Variants in HNRNPH1 observed in about 807,000 individuals in gnomAD.
HNRNPH1 encodes heterogeneous nuclear ribonucleoprotein H1, also known as heterogeneous nuclear ribonucleoprotein H.
HNRNPH1 carries 4 observed loss-of-function variants against 58.6 expected under a neutral mutation model. The ratio of observed to expected loss-of-function variants is 0.07; its 90% CI spans 0.03 to 0.16. The LOEUF is 0.16. HNRNPH1 is among the 10% of genes least tolerant of loss of function. HNRNPH1 has a pLI of 1.00. For synonymous variants in HNRNPH1, 192 were observed against 189.2 expected, an observed-to-expected ratio of 1.01 and a Z score of -0.12; for missense variants, 271 against 564.2, an observed-to-expected ratio of 0.48 and a Z score of 5.26.
chr5:179,632,264 C>G (rs1315029958), intron 2 of HNRNPH1, among the ~76,000 whole-genome samples: 1 of 150,756 alleles, frequency 6.6e-6, no homozygotes, highest in Non-Finnish European at 1.5e-5. Flanking sequence ...GCCAAGATCC[C>G]GCCACCGCAC....
intron 2 of HNRNPH1, among the ~76,000 whole-genome samples, chr5:179,633,464 T>A (rs1196163594): frequency 1.5e-4 from 2 of 13,498 alleles, no homozygotes; most frequent in African/African-American, 2.2e-4. Flanking sequence ...CCGGCTAATT[T>A]TTTTTTTTTT....
At chr5:179,620,369 A>C (rs915698938) in intron 3 of HNRNPH1, among the ~76,000 whole-genome samples, 2 of 152,240 alleles carry the variant, frequency 1.3e-5, no homozygotes, top group African/African-American at 4.8e-5. Flanking sequence ...ACAAGCATTC[A>C]AACTACTCTC....
upstream of HNRNPH1, among the ~76,000 whole-genome samples, chr5:179,625,955 A>AT (rs1010509687): frequency 3.3e-5 from 5 of 149,764 alleles, no homozygotes; most frequent in African/African-American, 1.2e-4. Flanking sequence ...TTATTTATTT[A>AT]TTTATTTATT....
exon 1 of HNRNPH1, chr5:179,623,412 G>T: frequency 3.9e-6 from 1 of 254,628 alleles, no homozygotes; most frequent in South Asian, 4.5e-5. Flanking sequence ...GGCGGCGGCC[G>T]CTTCCGCTCC....
At chr5:179,626,832 A>G (rs986417503), upstream of HNRNPH1, among the ~76,000 whole-genome samples, 6 of 149,722 alleles carry the variant, frequency 4.0e-5, no homozygotes, top group South Asian at 2.1e-4. Flanking sequence ...CTGGAGTACA[A>G]TGGCGCGATC....
exon 1 of HNRNPH1, chr5:179,623,748 C>G (rs1250643581): frequency 1.3e-5 from 2 of 152,602 alleles, no homozygotes; most frequent in African/African-American, 4.8e-5. Context: ...GCCCGCACCG[C>G]CCCGTTGCGT....
intron 2 of HNRNPH1, 75 bp from the exon 4 acceptor site, chr5:179,621,110 A>G: frequency 6.5e-7 from 1 of 1,544,120 alleles, no homozygotes; most frequent in Non-Finnish European, 8.9e-7. Context: ...GTCTTTAGAT[A>G]AGCTAGGAAG....
exon 5 of HNRNPH1, chr5:179,618,152 A>G (rs774112006): frequency 1.7e-5 from 28 of 1,613,708 alleles, no homozygotes; most frequent in Middle Eastern, 1.6e-4. Context: ...TACCTCCACC[A>G]TAAGCACCAC....
chr5:179,623,204 A>G lies in HNRNPH1; in HGVS notation c.-71T>C, dbSNP rs977740181. The G allele has an allele frequency of 6.8e-6, 8 of 1,182,698 alleles. No individual in the cohort carries two copies. In the African/African-American group the frequency reaches 9.3e-5, roughly 14 times the overall value. The allele number at this position is 1,182,698 out of a possible 1,614,324, so 73.3% of individuals were successfully genotyped here. A position where few individuals can be genotyped will look rare whatever the true frequency, so the allele number is the denominator to read the frequency against. On this transcript the variant is annotated 5_prime_UTR_variant, in exon 1 of 13. Coordinates refer to ENST00000356731, the Ensembl canonical transcript of HNRNPH1. ...GGACCAGAACTGAGAGCGCCAATTA[A>G]GCTGTCCTTCGCCTCCGAGGCGCGC... is the stretch of plus-strand genomic sequence containing the variant.
rs1300528487 is a variant in HNRNPH1, at chr5:179,623,174, G to C, written c.-41C>G. On this transcript the variant is annotated 5_prime_UTR_variant, in exon 1 of 13. Coordinates refer to ENST00000356731, the Ensembl canonical transcript of HNRNPH1. ...CCGGCGTCGAAACAAACTGCAAAGCGGGGAGGACCAGAACTGAGAGCGCCA... is the reference window on the plus strand; with the variant it reads ...CCGGCGTCGAAACAAACTGCAAAGCCGGGAGGACCAGAACTGAGAGCGCCA... The C allele has an allele frequency of 6.8e-7, 1 of 1,463,982 alleles. No individual in the cohort carries two copies. The highest frequency in any genetic ancestry group is 9.5e-7 in the Non-Finnish European group (1 of 1,050,192). The allele number at this position is 1,463,982 out of a possible 1,614,324, so 90.7% of individuals were successfully genotyped here. A position where few individuals can be genotyped will look rare whatever the true frequency, so the allele number is the denominator to read the frequency against.
intron 3 of HNRNPH1, chr5:179,620,554 CTGA>C (rs34223524): frequency 0.34 from 74,695 of 218,956 alleles, 14,016 homozygotes; most frequent in East Asian, 0.69. Context: ...ATTCATCGCA[CTGA>C]TGATCTGCTG....
intron 11 of HNRNPH1, 91 bp downstream of exon 12, chr5:179,616,035 A>G: frequency 9.7e-6 from 11 of 1,130,414 alleles, no homozygotes; most frequent in Middle Eastern, 2.0e-4. Context: ...CTCTAAGTAC[A>G]GTAACAGGCT....
intron 4 of HNRNPH1, chr5:179,618,585 G>A (rs913205595): frequency 9.9e-6 from 3 of 302,476 alleles, no homozygotes; most frequent in Non-Finnish European, 1.8e-5. Flanking sequence ...GAGGAGTACT[G>A]TAAATAAATG....
At chr5:179,620,125 T>TA (rs1195644374) in intron 3 of HNRNPH1, 9 of 152,354 alleles carry the variant, frequency 5.9e-5, no homozygotes, top group African/African-American at 2.2e-4. Flanking sequence ...GACTTGATTT[T>TA]AAAAATTCTG....
chr5:179,620,096 TTA>T, intron 3 of HNRNPH1: 1 of 152,306 alleles, frequency 6.6e-6, no homozygotes, highest in African/African-American at 2.4e-5. Flanking sequence ...TCTCACCAAT[TTA>T]GTGTCAAAAC....
chr5:179,627,145 G>A (rs1042294963), upstream of HNRNPH1, among the ~76,000 whole-genome samples: 4 of 152,140 alleles, frequency 2.6e-5, no homozygotes, highest in African/African-American at 9.7e-5. Context: ...CCTTAGGATA[G>A]TTGCCCCAGA....
chr5:179,617,944 A>C lies in HNRNPH1; in HGVS notation c.788-12T>G, dbSNP rs1770584064. 1 of 1,613,934 alleles carries C rather than the reference A, an allele frequency of 6.2e-7. No individual in the cohort carries two copies. The highest frequency in any genetic ancestry group is 1.3e-5 in the African/African-American group (1 of 74,940). ...ACAGTAATTGAGGTCTAGATGGACAAGAGTGTAAGCATCCTTCAACTGAGA... is the reference window on the plus strand; with the variant it reads ...ACAGTAATTGAGGTCTAGATGGACACGAGTGTAAGCATCCTTCAACTGAGA... On this transcript the variant is annotated splice_polypyrimidine_tract_variant and intron_variant, in intron 6 of 12. Coordinates refer to ENST00000356731, the Ensembl canonical transcript of HNRNPH1.
At position 179,616,852 on chromosome 5, in the gene HNRNPH1, AAACT is replaced by A. The variant is rs759973912; in HGVS notation, c.1207+13_1207+16del. 1.4e-5 allele frequency: 22 copies of A among 1,608,126 alleles called. No homozygotes were observed. In the African/African-American group the frequency reaches 1.5e-4, roughly 11 times the overall value. ...GATATAAACGTTTTGGTTTTTAAAAAAACTAACGATATTTACACAAGCCCATGCC... is the reference window on the plus strand; with the variant it reads ...GATATAAACGTTTTGGTTTTTAAAAAAACGATATTTACACAAGCCCATGCC... On this transcript the variant is annotated intron_variant, in intron 10 of 12. Transcript: ENST00000356731.
upstream of HNRNPH1, among the ~76,000 whole-genome samples, chr5:179,625,673 AAAAG>A (rs1386602621): frequency 6.6e-6 from 1 of 151,908 alleles, no homozygotes; most frequent in African/African-American, 2.4e-5. Flanking sequence ...AAAAAAAAAA[AAAAG>A]AATAGTAGTA....
Sources: allele counts gnomAD v4.1 joint callset (sites outside exome capture counted in the v4.1 genomes callset), GRCh38; gene constraint gnomAD v4.1.1; transcripts MANE v1.5; gene names NCBI Gene and HGNC (gene_info 2026-07-23, HGNC 2026-07-21).